Variants in SEMA3C observed in about 807,000 individuals in gnomAD.
SEMA3C encodes the protein semaphorin 3C.
Under a neutral mutation model 89.4 loss-of-function variants are expected in SEMA3C, and 47 were observed. The ratio of observed to expected loss-of-function variants is 0.53; its 90% CI spans 0.42 to 0.67. The LOEUF (loss-of-function observed/expected upper bound fraction) is 0.67. SEMA3C is among the 30% of genes least tolerant of loss of function. The pLI, the probability that SEMA3C is intolerant of heterozygous loss-of-function variation, is 0.00. For synonymous variants in SEMA3C, 310 were observed against 320.2 expected (o/e 0.97, Z 0.34); for missense variants, 839 against 929.1 (o/e 0.90, Z 1.26).
chr7:80,869,245 T>C (rs774702930), intron 2 of SEMA3C, among the ~76,000 whole-genome samples: 9 of 152,212 alleles, frequency 5.9e-5, no homozygotes, highest in Non-Finnish European at 1.3e-4. Flanking sequence ...TTAATGTTCA[T>C]AATTAGCTGT....
At chr7:80,834,260 G>GA (rs1320779066) in intron 2 of SEMA3C, among the ~76,000 whole-genome samples, 2 of 152,036 alleles carry the variant, frequency 1.3e-5, no homozygotes, top group Non-Finnish European at 2.9e-5. Context: ...CTCCATGATG[G>GA]AAAATTACTG....
intron 2 of SEMA3C, among the ~76,000 whole-genome samples, chr7:80,900,360 A>G (rs111329114): frequency 0.052 from 7,982 of 152,094 alleles, 569 homozygotes; most frequent in East Asian, 0.15. Context: ...TGATCCATCC[A>G]CCTTGGTCTC....
chr7:80,841,527 A>C, intron 2 of SEMA3C, among the ~76,000 whole-genome samples: 1 of 152,256 alleles, frequency 6.6e-6, no homozygotes, highest in Admixed American at 6.6e-5. Context: ...ACCTAATAAA[A>C]TGCTGAACTA....
intron 2 of SEMA3C, among the ~76,000 whole-genome samples, chr7:80,829,688 T>C (rs937155710): frequency 3.3e-5 from 5 of 152,172 alleles, no homozygotes; most frequent in African/African-American, 1.2e-4. Context: ...CTCACACTCA[T>C]TTAACTTCTT....
At chr7:80,766,160 C>G (rs1052634543) in intron 12 of SEMA3C, among the ~76,000 whole-genome samples, 1 of 152,162 alleles carries the variant, frequency 6.6e-6, no homozygotes, top group African/African-American at 2.4e-5. Flanking sequence ...GGTGTGGACA[C>G]CTATTCATAG....
At chr7:80,762,873 G>A (rs1177309628) in intron 13 of SEMA3C, among the ~76,000 whole-genome samples, 1 of 152,136 alleles carries the variant, frequency 6.6e-6, no homozygotes, top group Non-Finnish European at 1.5e-5. Context: ...AGCTTTATTT[G>A]AATAACTCAA....
intron 15 of SEMA3C, 133 bp from the exon 16 acceptor site, chr7:80,751,469 T>G: frequency 1.4e-6 from 1 of 697,790 alleles, no homozygotes; most frequent in Non-Finnish European, 2.5e-6. Flanking sequence ...AAAAGAGTTC[T>G]GATTGATGCA....
At chr7:80,791,958 CTA>C (rs887700726) in intron 11 of SEMA3C, among the ~76,000 whole-genome samples, 9 of 152,090 alleles carry the variant, frequency 5.9e-5, no homozygotes, top group African/African-American at 2.2e-4. Context: ...CATTACCAGA[CTA>C]GAACTTTTTA....
intron 2 of SEMA3C, among the ~76,000 whole-genome samples, chr7:80,846,187 T>C (rs1583935432): frequency 6.6e-6 from 1 of 152,268 alleles, no homozygotes; most frequent in Admixed American, 6.5e-5. Context: ...CTTCATGACC[T>C]GACCCTTGCT....
In SEMA3C at chr7:80,872,804, A is replaced by ATC. The variant is rs1475876934; in HGVS notation, c.103+43874_103+43875insGA. Among the ~76,000 whole-genome samples, 979 of 150,278 alleles carry ATC rather than the reference A, an allele frequency of 6.5e-3. 45 individuals are homozygous for ATC. The East Asian group carries it at 0.11, about 17-fold the overall frequency. ...AACAGAGCGAGACTCTGTCAAAAAA[A>ATC]AAAAAAAAAAAAAAAAAGATTGCTG... On this transcript the variant is annotated intron_variant, in intron 2 of 17. Transcript: ENST00000265361.
rs1787723111 is a variant in SEMA3C at position 80,743,276 on chromosome 7, GCCT to G, written c.*1615_*1617del. 6.6e-6 allele frequency: 1 copy of G among 151,630 alleles called. No individual in the cohort carries two copies. The highest frequency in any genetic ancestry group is 2.4e-5 in the African/African-American group (1 of 41,330). The allele number at this position is 151,630 out of a possible 1,614,324, so 9.4% of individuals were successfully genotyped here. A position where few individuals can be genotyped will look rare whatever the true frequency, so the allele number is the denominator to read the frequency against. ...TTTTAACTATTTTTGCTATAGCGAG[GCCT>G]CCTCATATATTATCATAATTTATCA... On this transcript the variant is annotated 3_prime_UTR_variant, in exon 18 of 18. Transcript: ENST00000265361.
chr7:80,796,942 A>G (rs567856000), intron 11 of SEMA3C, among the ~76,000 whole-genome samples: 2 of 152,298 alleles, frequency 1.3e-5, no homozygotes, highest in South Asian at 2.1e-4. Flanking sequence ...AGAAGAAAAT[A>G]AAGGAGCAAA....
At chr7:80,822,378 CA>C (rs36125949) in intron 4 of SEMA3C, among the ~76,000 whole-genome samples, 19,927 of 139,318 alleles carry the variant, frequency 0.14, 1,561 homozygotes, top group African/African-American at 0.24. Context: ...AACATTTCAG[CA>C]AAAAAAAATA....
chr7:80,814,320 C>T (rs972692776), intron 5 of SEMA3C, among the ~76,000 whole-genome samples: 3 of 151,984 alleles, frequency 2.0e-5, no homozygotes, highest in East Asian at 1.9e-4. Context: ...GATCTCCTGA[C>T]GTCATGATCT....
intron 4 of SEMA3C, among the ~76,000 whole-genome samples, chr7:80,820,454 ATAT>A (rs1789720606): frequency 6.6e-6 from 1 of 152,078 alleles, no homozygotes; most frequent in South Asian, 2.1e-4. Context: ...ATTAAAGTCA[ATAT>A]TATTTTACAT....
intron 11 of SEMA3C, among the ~76,000 whole-genome samples, chr7:80,795,432 C>T (rs1317961865): frequency 6.6e-6 from 1 of 152,060 alleles, no homozygotes; most frequent in Non-Finnish European, 1.5e-5. Flanking sequence ...TGTAAGAAAC[C>T]ACATTATAGA....
chr7:80,787,336 G>T (rs933694661), intron 12 of SEMA3C, among the ~76,000 whole-genome samples: 1 of 148,772 alleles, frequency 6.7e-6, no homozygotes. Context: ...AGGTTGCAGT[G>T]AGCCGAGATC....
intron 5 of SEMA3C, among the ~76,000 whole-genome samples, chr7:80,814,170 G>A (rs984274521): frequency 3.3e-5 from 5 of 150,188 alleles, no homozygotes; most frequent in South Asian, 2.1e-4. Flanking sequence ...GCTCACTGGC[G>A]AGCTCCGCCT....
chr7:80,813,053 C>T (rs1173297332), intron 5 of SEMA3C, among the ~76,000 whole-genome samples: 7 of 151,236 alleles, frequency 4.6e-5, no homozygotes, highest in African/African-American at 1.2e-4. Context: ...GTGATCTGCC[C>T]GCCTTGGCCT....
Sources: allele counts gnomAD v4.1 joint callset (sites outside exome capture counted in the v4.1 genomes callset), GRCh38; gene constraint gnomAD v4.1.1; transcripts MANE v1.5; gene names NCBI Gene and HGNC (gene_info 2026-07-23, HGNC 2026-07-21).